The following ZNF79 variants were observed in gnomAD, a reference collection of about 807,000 sequenced individuals.
ZNF79 encodes zinc finger protein 79.
ZNF79 carries 13 observed loss-of-function variants against 14.9 expected under a neutral mutation model. The ratio of observed to expected loss-of-function variants is 0.87; its 90% confidence interval spans 0.57 to 1.38. ZNF79 has a LOEUF of 1.38. ZNF79 is among the 40% of genes most tolerant of loss of function. The pLI is 0.00. For synonymous variants in ZNF79, 223 were observed against 235.1 expected, an observed-to-expected ratio of 0.95 and a Z score of 0.47; for missense variants, 631 against 630.6, an observed-to-expected ratio of 1.00 and a Z score of -0.01.
intron 4 of ZNF79, among the ~76,000 whole-genome samples, chr9:127,439,219 C>A (rs1834007021): frequency 6.6e-6 from 1 of 151,760 alleles, no homozygotes; most frequent in African/African-American, 2.4e-5. Context: ...CGCACACACA[C>A]ACATATACAC....
intron 4 of ZNF79, among the ~76,000 whole-genome samples, chr9:127,442,099 A>C (rs1310235661): frequency 1.3e-5 from 2 of 151,990 alleles, no homozygotes; most frequent in Non-Finnish European, 2.9e-5. Flanking sequence ...CCTGGGCAGC[A>C]AGAGCGAAGC....
At position 127,444,770 on chromosome 9, in the gene ZNF79, G is replaced by A; in HGVS notation, c.1070G>A (p.Gly357Glu). 3.1e-6 allele frequency: 5 copies of A among 1,609,258 alleles called. No homozygotes were observed. Among genetic ancestry groups the A allele is most frequent in the Non-Finnish European group, 4.3e-6 (5 of 1,175,968 alleles). ...ATTCAGCACCAGAGGATTCACACCG[G>A]GGAGAAGCCCTACAGATGTGCCGCG... ...AFIQHQRIHT[G>E]EKPYRCAACG... is the part of the protein sequence containing the mutation. The change falls in exon 5 of 5, where the codon GGG (glycine) becomes GAG (glutamate). Residue 357 changes from glycine (G) to glutamate (E), a missense_variant. Coordinates refer to ENST00000342483, the MANE Select transcript of ZNF79 (RefSeq NM_007135.3).
chr9:127,444,744 C>G lies in ZNF79; in HGVS notation c.1044C>G (p.Phe348Leu), dbSNP rs539791192. ...AGGCCTTCAGTTACTGCGCAGCGTT[C>G]ATTCAGCACCAGAGGATTCACACCG... ...CGKAFSYCAA[F>L]IQHQRIHTGE... Residue 348 changes from phenylalanine (F) to leucine (L), a missense_variant, in exon 5 of 5, where the codon TTC (phenylalanine) becomes TTG (leucine). By Grantham distance (22) the Phe-to-Leu change is conservative. Coordinates refer to ENST00000342483, the MANE Select transcript of ZNF79 (RefSeq NM_007135.3). The G allele has an allele frequency of 5.6e-6, 9 of 1,613,246 alleles. No individual in the cohort carries two copies. Among genetic ancestry groups the G allele is most frequent in the Non-Finnish European group, 7.6e-6 (9 of 1,179,668 alleles).
At chr9:127,433,493 A>G (rs1833895313) in intron 2 of ZNF79, among the ~76,000 whole-genome samples, 1 of 152,054 alleles carries the variant, frequency 6.6e-6, no homozygotes, top group Non-Finnish European at 1.5e-5. Context: ...ACCGTGTGTT[A>G]TCTCCTGATT....
Position 127,424,614 on chromosome 9 carries a change from T to TC in ZNF79, c.-171dup, listed in dbSNP as rs1833715093. On this transcript the variant is annotated 5_prime_UTR_variant, in exon 1 of 5. Coordinates refer to ENST00000342483, the MANE Select transcript of ZNF79 (RefSeq NM_007135.3). ...ACCCGGCTGGGCAGGCCCGGACAGC[T>TC]CCCGCGACCCAGCACCGCAGGATCA... 7.4e-6 allele frequency: 7 copies of TC among 940,472 alleles called. No individual in the cohort carries two copies. In the Admixed American group the frequency reaches 1.2e-4, roughly 16 times the overall value. The allele number at this position is 940,472 out of a possible 1,614,324, so 58.3% of individuals were successfully genotyped here.
intron 1 of ZNF79, among the ~76,000 whole-genome samples, chr9:127,428,084 G>A (rs996250996): frequency 6.6e-6 from 1 of 151,824 alleles, no homozygotes; most frequent in Non-Finnish European, 1.5e-5. Flanking sequence ...TGGCTCAAGC[G>A]ATCCTCCCAC....
At chr9:127,434,348 T>C (rs891884087) in intron 2 of ZNF79, among the ~76,000 whole-genome samples, 12 of 152,322 alleles carry the variant, frequency 7.9e-5, no homozygotes, top group Admixed American at 2.0e-4. Flanking sequence ...CTGGGTGATA[T>C]CTGCATTCAC....
At position 127,428,789 on chromosome 9, in the gene ZNF79, A is replaced by G. The variant is rs368958242; in HGVS notation, c.17-43A>G. The G allele has an allele frequency of 4.2e-5, 63 of 1,486,694 alleles. No individual in the cohort carries two copies. The African/African-American group carries it at 8.5e-4, about 20-fold the overall frequency. 92.1% of individuals were successfully genotyped at this position (1,486,694 alleles called of 1,614,324 possible). A position where few individuals can be genotyped will look rare whatever the true frequency, so the allele number is the denominator to read the frequency against. ...CTTCACAGTGAGAACTGGTGACTTC[A>G]TAAACTGCTTTTAACATTATTAGTT... On this transcript the variant is annotated intron_variant, in intron 1 of 4. Coordinates refer to ENST00000342483, the MANE Select transcript of ZNF79 (RefSeq NM_007135.3).
rs1195978507 is a variant in ZNF79, at chr9:127,444,660, C to T, written c.960C>T (p.Leu320=). 1 of 1,613,986 alleles carries T rather than the reference C, an allele frequency of 6.2e-7. No individual in the cohort carries two copies. Among genetic ancestry groups the T allele is most frequent in the Non-Finnish European group, 8.5e-7 (1 of 1,179,950 alleles). Residue 320 remains leucine (L), a synonymous_variant, in exon 5 of 5, where the codon CTC becomes CTT. Transcript: ENST00000342483. ...CGKAFRHSAN[L]TNHQRTHTGE... is the part of the protein sequence containing the mutation. ...AGGCCTTCCGTCACAGTGCAAACCT[C>T]ACGAACCATCAGAGGACTCACACCG...
chr9:127,445,181 T>A lies in ZNF79; in HGVS notation c.1481T>A (p.Leu494His). Residue 494 changes from leucine to histidine, a missense_variant, in exon 5 of 5, where the codon CTC (leucine) becomes CAC (histidine). Coordinates refer to ENST00000342483, the MANE Select transcript of ZNF79 (RefSeq NM_007135.3). ...TCTGCCTTCGTTAGACATCAGAGAC[T>A]CCACGCCGGAGAGTAACTAGGAACA... Reference protein sequence around the residue: ...CSSAFVRHQRLHAGE With the variant: ...CSSAFVRHQRHHAGE The A allele has an allele frequency of 6.2e-7, 1 of 1,614,028 alleles. No homozygotes were observed. The highest frequency in any genetic ancestry group is 8.5e-7 in the Non-Finnish European group (1 of 1,179,912).
rs924318898 is a variant in ZNF79, at chr9:127,445,140, G to C, written c.1440G>C (p.Lys480Asn). The C allele has an allele frequency of 6.2e-7, 1 of 1,614,254 alleles. No homozygotes were observed. The highest frequency in any genetic ancestry group is 1.3e-5 in the African/African-American group (1 of 75,068). ...VKPYECSECG[K>N]AFRCSSAFVR... ...CCTACGAATGCAGCGAGTGTGGGAA[G>C]GCCTTCCGGTGCAGCTCTGCCTTCG... The change falls in exon 5 of 5, where the codon AAG becomes AAC. Residue 480 changes from lysine (K) to asparagine (N), a missense_variant. Coordinates refer to ENST00000342483, the MANE Select transcript of ZNF79 (RefSeq NM_007135.3).
At chr9:127,438,442 G>A (rs540313597) in intron 4 of ZNF79, among the ~76,000 whole-genome samples, 6 of 152,306 alleles carry the variant, frequency 3.9e-5, no homozygotes, top group Non-Finnish European at 7.4e-5. Context: ...TCCCTGGGCC[G>A]CCGCCCTGCA....
Position 127,444,479 on chromosome 9 carries a change from A to G in ZNF79, c.779A>G (p.Gln260Arg), listed in dbSNP as rs1423926025. 3 of 1,610,308 alleles carry G rather than the reference A, an allele frequency of 1.9e-6. No individual in the cohort carries two copies. In the African/African-American group the frequency reaches 4.0e-5, roughly 22 times the overall value. Residue 260 changes from glutamine (Q) to arginine (R), a missense_variant, in exon 5 of 5, where the codon CAG becomes CGG. Physicochemically the swap from Gln to Arg is conservative, Grantham distance 43. Transcript: ENST00000342483. ...KCSECGRAFS[Q>R]NANLTKHQRT... ...AGTGAATGTGGAAGAGCCTTCAGCC[A>G]GAACGCCAACCTCACCAAACACCAG... is the stretch of plus-strand genomic sequence containing the variant.
At chr9:127,432,562 T>C (rs1833880769) in intron 2 of ZNF79, among the ~76,000 whole-genome samples, 1 of 152,054 alleles carries the variant, frequency 6.6e-6, no homozygotes, top group African/African-American at 2.4e-5. Context: ...CTAAAATTAT[T>C]ATTTTGCTTT....
chr9:127,438,092 A>G (rs1275036760), intron 4 of ZNF79, among the ~76,000 whole-genome samples: 1 of 152,086 alleles, frequency 6.6e-6, no homozygotes, highest in East Asian at 1.9e-4. Context: ...GCCCTTACGC[A>G]CAGCAGGAGT....
chr9:127,440,566 T>C (rs1229445849), intron 4 of ZNF79, among the ~76,000 whole-genome samples: 2 of 152,074 alleles, frequency 1.3e-5, no homozygotes, highest in African/African-American at 4.8e-5. Flanking sequence ...TAAAGAGTTT[T>C]GATGCAGGGA....
chr9:127,424,984 T>G, intron 1 of ZNF79, 181 bp downstream of exon 1: 2 of 1,451,336 alleles, frequency 1.4e-6, no homozygotes, highest in Non-Finnish European at 1.8e-6. Context: ...CATGTGCCCC[T>G]ACAGTCCTTT....
In ZNF79 at chr9:127,428,904, TCA is replaced by T; in HGVS notation, c.92_93del (p.Thr31SerfsTer94). The T allele has an allele frequency of 1.2e-6, 2 of 1,600,728 alleles. No homozygotes were observed. Among genetic ancestry groups the T allele is most frequent in the Non-Finnish European group, 1.7e-6 (2 of 1,172,882 alleles). On this transcript the variant is annotated frameshift_variant, in exon 2 of 5. Coordinates refer to ENST00000342483, the MANE Select transcript of ZNF79 (RefSeq NM_007135.3). LOFTEE classifies it high-confidence loss of function. ...GAGGAAGGAATGGCTGCTGGTCTCCTCACAGCTGGGCCCCGGGTAAGTTGGAA... is the reference window on the plus strand; with the variant it reads ...GAGGAAGGAATGGCTGCTGGTCTCCTCAGCTGGGCCCCGGGTAAGTTGGAA...
Position 127,424,686 on chromosome 9 carries a change from G to C in ZNF79, c.-102G>C. 6.4e-7 allele frequency: 1 copy of C among 1,571,934 alleles called. No individual in the cohort carries two copies. The highest frequency in any genetic ancestry group is 1.1e-5 in the South Asian group (1 of 88,434). On this transcript the variant is annotated 5_prime_UTR_variant, in exon 1 of 5. Coordinates refer to ENST00000342483, the MANE Select transcript of ZNF79 (RefSeq NM_007135.3). Reference sequence around the variant, plus strand: ...GGCTGGAGAGGAAGAGTCCGGCCTGGGAGCCGTCAGAGCAGCCCTGCAGAA... The same window carrying C: ...GGCTGGAGAGGAAGAGTCCGGCCTGCGAGCCGTCAGAGCAGCCCTGCAGAA...
Sources: allele counts gnomAD v4.1 joint callset (sites outside exome capture counted in the v4.1 genomes callset), GRCh38; gene constraint gnomAD v4.1.1; transcripts MANE v1.5; gene names NCBI Gene and HGNC (gene_info 2026-07-23, HGNC 2026-07-21).